RNF216: variants seen among roughly 807,000 people sequenced by gnomAD.
RNF216 encodes the protein ring finger protein 216.
RNF216 carries 72 observed loss-of-function variants against 110.8 expected under a neutral mutation model. The observed-to-expected ratio is 0.65, with a 90% confidence interval of 0.54 to 0.79. The LOEUF (loss-of-function observed/expected upper bound fraction) is 0.79. Ranked by LOEUF, RNF216 falls within the 30% of genes least tolerant of loss-of-function variation. The pLI is 0.00. For missense variants in RNF216, 1,342 were observed against 1,141.2 expected (o/e 1.18, Z -2.54); for synonymous variants, 495 against 407.5 (o/e 1.21, Z -2.59).
chr7:5,698,426 C>G (rs577445832), intron 13 of RNF216, among the ~76,000 whole-genome samples: 1 of 148,540 alleles, frequency 6.7e-6, no homozygotes, highest in Non-Finnish European at 1.5e-5. Context: ...TACACACACA[C>G]GCATGCATGC....
intron 3 of RNF216, among the ~76,000 whole-genome samples, chr7:5,750,817 T>G (rs1180941430): frequency 6.6e-6 from 1 of 152,242 alleles, no homozygotes; most frequent in African/African-American, 2.4e-5. Context: ...AATTTCACCA[T>G]CAGTAGTAGC....
At chr7:5,667,104 C>T (rs2128591250) in intron 13 of RNF216, among the ~76,000 whole-genome samples, 1 of 152,254 alleles carries the variant, frequency 6.6e-6, no homozygotes, top group Non-Finnish European at 1.5e-5. Flanking sequence ...CTGTGCCTGG[C>T]CAGCCATGAC....
At chr7:5,623,943 G>T in intron 16 of RNF216, 113 bp downstream of exon 16, 2 of 865,434 alleles carry the variant, frequency 2.3e-6, no homozygotes, top group Non-Finnish European at 3.6e-6. Flanking sequence ...CTGAGGGACA[G>T]CACCCCCTCC....
intron 15 of RNF216, among the ~76,000 whole-genome samples, chr7:5,634,305 T>C (rs936256530): frequency 2.8e-5 from 4 of 140,874 alleles, no homozygotes; most frequent in African/African-American, 1.0e-4. Flanking sequence ...TCTGAGATTC[T>C]GGGGGTGGGT....
chr7:5,721,207 C>G (rs141923393), intron 8 of RNF216, 35 bp from the exon 9 acceptor site: 1 of 1,605,380 alleles, frequency 6.2e-7, no homozygotes, highest in African/African-American at 1.3e-5. Flanking sequence ...AGCATGCAGA[C>G]AACTATGTGT....
intron 7 of RNF216, among the ~76,000 whole-genome samples, chr7:5,726,376 T>C (rs1793754250): frequency 6.6e-6 from 1 of 152,122 alleles, no homozygotes; most frequent in African/African-American, 2.4e-5. Context: ...TTCCATGTTG[T>C]TTCTCTGGTC....
intron 2 of RNF216, among the ~76,000 whole-genome samples, chr7:5,760,144 T>C (rs1434457564): frequency 6.6e-6 from 1 of 152,192 alleles, no homozygotes; most frequent in Non-Finnish European, 1.5e-5. Flanking sequence ...AACAGGAAAT[T>C]TCACAAACAT....
At chr7:5,647,873 G>A (rs957939445) in intron 14 of RNF216, among the ~76,000 whole-genome samples, 1 of 152,026 alleles carries the variant, frequency 6.6e-6, no homozygotes, top group Admixed American at 6.6e-5. Context: ...TACTGTAATG[G>A]CCTTCTAAAT....
At chr7:5,739,849 A>C (rs928870629) in intron 4 of RNF216, among the ~76,000 whole-genome samples, 2 of 151,908 alleles carry the variant, frequency 1.3e-5, no homozygotes, top group East Asian at 3.9e-4. Context: ...AAAAAAATAC[A>C]AAAATTAGCC....
chr7:5,735,150 A>T (rs188324614), intron 5 of RNF216, among the ~76,000 whole-genome samples: 36 of 152,302 alleles, frequency 2.4e-4, no homozygotes, highest in East Asian at 1.5e-3. Flanking sequence ...CGTCTCAAAA[A>T]AAATAAATAA....
intron 14 of RNF216, among the ~76,000 whole-genome samples, chr7:5,641,973 C>T (rs1031142519): frequency 1.4e-5 from 2 of 142,310 alleles, no homozygotes; most frequent in African/African-American, 5.3e-5. Context: ...GTGAAGGCTG[C>T]AGTGAGCTGA....
intron 1 of RNF216, chr7:5,774,971 C>G (rs1301683969): frequency 6.6e-6 from 1 of 152,064 alleles, no homozygotes; most frequent in Non-Finnish European, 1.5e-5. Flanking sequence ...TCTTGAAATG[C>G]CGACCTCAGG....
At chr7:5,706,184 C>G (rs1792276524) in intron 13 of RNF216, among the ~76,000 whole-genome samples, 1 of 146,632 alleles carries the variant, frequency 6.8e-6, no homozygotes, top group Non-Finnish European at 1.5e-5. Context: ...TGCACCACTG[C>G]ACTCCAGCCT....
At chr7:5,753,059 A>G (rs999559359) in intron 2 of RNF216, 80 bp from the exon 3 acceptor site, 34 of 1,491,172 alleles carry the variant, frequency 2.3e-5, no homozygotes, top group Non-Finnish European at 3.0e-5. Flanking sequence ...TGACAGGGGT[A>G]CAGCCTAAAG....
In RNF216 at chr7:5,649,470, T is replaced by C. The variant is rs182249642; in HGVS notation, c.2159+2943A>G. Among the ~76,000 whole-genome samples the C allele has an allele frequency of 3.5e-3, 534 of 152,044 alleles. 1 individual carries two copies. Among genetic ancestry groups the C allele is most frequent in the African/African-American group, 0.012 (479 of 41,498 alleles). ...GCTAAGGTTAGCTGTGATTGTGCCA[T>C]TGTATTCCAGCCTGGATGACAGAAT... is the stretch of plus-strand genomic sequence containing the variant. On this transcript the variant is annotated intron_variant, in intron 14 of 16. Coordinates refer to ENST00000389902, the MANE Select transcript of RNF216 (RefSeq NM_207111.4).
intron 7 of RNF216, among the ~76,000 whole-genome samples, chr7:5,729,109 G>A (rs1283294829): frequency 6.6e-6 from 1 of 152,180 alleles, no homozygotes; most frequent in Non-Finnish European, 1.5e-5. Context: ...ATGGATGGTC[G>A]TGTGACCTGT....
At chr7:5,697,607 T>C (rs557640569) in intron 13 of RNF216, among the ~76,000 whole-genome samples, 6 of 152,170 alleles carry the variant, frequency 3.9e-5, no homozygotes, top group Non-Finnish European at 8.8e-5. Context: ...CTCAGCCTCC[T>C]GTGCAGCTGG....
intron 5 of RNF216, among the ~76,000 whole-genome samples, chr7:5,734,056 G>A (rs182284413): frequency 7.2e-5 from 11 of 152,144 alleles, no homozygotes; most frequent in Non-Finnish European, 2.9e-5. Flanking sequence ...AAAAGCTTAG[G>A]AGGGGAAAAA....
At chr7:5,645,754 C>T (rs775612685) in intron 14 of RNF216, among the ~76,000 whole-genome samples, 1 of 152,102 alleles carries the variant, frequency 6.6e-6, no homozygotes, top group African/African-American at 2.4e-5. Context: ...CCACATCCAG[C>T]TAATTTTTGT....
Sources: gnomAD v4.1 joint callset for allele counts (sites outside exome capture counted in the v4.1 genomes callset) on GRCh38, gnomAD v4.1.1 for gene constraint, MANE v1.5 for transcripts, NCBI Gene and HGNC (gene_info 2026-07-23, HGNC 2026-07-21) for gene names.